REPS2: variants seen among roughly 807,000 people sequenced by gnomAD.
REPS2 encodes ralBP1-associated Eps domain-containing protein 2.
In REPS2, 23 loss-of-function variants were observed where a neutral mutation model predicts 53.6. That is an observed-to-expected ratio of 0.43 (90% confidence interval 0.31 to 0.61). The LOEUF (loss-of-function observed/expected upper bound fraction) is 0.61, where lower values mean the gene tolerates loss of function less well. REPS2 is among the 20% of genes least tolerant of loss of function. REPS2 has a pLI of 0.11. For missense variants in REPS2, 446 were observed against 534.9 expected, an observed-to-expected ratio of 0.83 and a Z score of 1.64; for synonymous variants, 238 against 218.6, an observed-to-expected ratio of 1.09 and a Z score of -0.78.
chrX:17,074,946 G>C (rs372685945), intron 12 of REPS2, among the ~76,000 whole-genome samples: 2 of 111,687 alleles, frequency 1.8e-5, no homozygotes, highest in East Asian at 5.6e-4. Flanking sequence ...ATTTAAGTCT[G>C]ATCATATTTT....
chrX:17,052,475 A>G (rs763220050), intron 7 of REPS2, 30 bp downstream of exon 7: 3 of 1,076,136 alleles, frequency 2.8e-6, no homozygotes, highest in Admixed American at 2.4e-5. Context: ...TATGACATTC[A>G]TACCATCATC....
chrX:17,016,749 T>G (rs987230547), intron 2 of REPS2, among the ~76,000 whole-genome samples: 28 of 82,280 alleles, frequency 3.4e-4, no homozygotes, highest in Non-Finnish European at 8.7e-5. Context: ...CATGAAATAT[T>G]TTTCTTTTTT....
chrX:17,089,980 AT>A (rs2062592750), intron 13 of REPS2, among the ~76,000 whole-genome samples: 1 of 112,098 alleles, frequency 8.9e-6, no homozygotes. Context: ...TATCTGCACC[AT>A]TTTACATTCA....
intron 8 of REPS2, among the ~76,000 whole-genome samples, chrX:17,058,033 G>A (rs1220689760): frequency 8.9e-6 from 1 of 112,379 alleles, no homozygotes; most frequent in Non-Finnish European, 1.9e-5. Flanking sequence ...CTGTTTGGGG[G>A]TCATGACTAG....
intron 16 of REPS2, chrX:17,136,977 T>G (rs929989198): frequency 2.7e-5 from 3 of 112,861 alleles, no homozygotes; most frequent in African/African-American, 9.7e-5. Context: ...GAACTTATCT[T>G]TTTATGGCTG....
At chrX:17,102,028 T>TTATGTTATGTTATG (rs2062811590) in intron 13 of REPS2, among the ~76,000 whole-genome samples, 1 of 95,264 alleles carries the variant, frequency 1.0e-5, no homozygotes, top group Admixed American at 1.2e-4. Context: ...TTTATTTTAT[T>TTATGTTATGTTATG]TTATGTTATG....
chrX:17,022,878 G>A (rs1417562915), intron 3 of REPS2, among the ~76,000 whole-genome samples: 1 of 112,288 alleles, frequency 8.9e-6, no homozygotes, highest in African/African-American at 3.2e-5. Flanking sequence ...CCATTTAGCA[G>A]GTTTGGAACC....
chrX:17,103,534 G>A (rs945044930), intron 13 of REPS2, among the ~76,000 whole-genome samples, 184 bp from the exon 14 acceptor site: 1 of 111,672 alleles, frequency 9.0e-6, no homozygotes, highest in African/African-American at 3.3e-5. Context: ...GTTTGGGTTA[G>A]GATGACAATG....
chrX:16,982,479 T>C (rs1008635547), intron 1 of REPS2, among the ~76,000 whole-genome samples: 4 of 112,193 alleles, frequency 3.6e-5, no homozygotes, highest in African/African-American at 1.3e-4. Flanking sequence ...GGAGAGAGTG[T>C]TGATTTTTTT....
At chrX:17,056,715 T>C (rs972966728) in intron 8 of REPS2, among the ~76,000 whole-genome samples, 28 of 110,575 alleles carry the variant, frequency 2.5e-4, no homozygotes, top group Admixed American at 9.6e-5. Context: ...GTCAAAAAAT[T>C]ACATGCAGTG....
intron 1 of REPS2, among the ~76,000 whole-genome samples, chrX:16,981,151 T>C (rs911834323): frequency 8.9e-6 from 1 of 111,813 alleles, no homozygotes; most frequent in Non-Finnish European, 1.9e-5. Flanking sequence ...GTTGTGTTCT[T>C]GCAGAAATTT....
intron 8 of REPS2, among the ~76,000 whole-genome samples, chrX:17,058,399 G>A (rs768096942): frequency 8.0e-4 from 83 of 104,362 alleles, no homozygotes; most frequent in South Asian, 4.4e-3. Flanking sequence ...GTTGCAGTGA[G>A]CCAAGATTGT....
chrX:17,173,758 C>T, the REPS2 span, among the ~76,000 whole-genome samples: 1 of 112,074 alleles, frequency 8.9e-6, no homozygotes, highest in Non-Finnish European at 1.9e-5. Flanking sequence ...AATAAAACTG[C>T]AGTGATCACC....
intron 13 of REPS2, among the ~76,000 whole-genome samples, chrX:17,084,814 A>G (rs1322822642): frequency 8.9e-6 from 1 of 112,196 alleles, no homozygotes; most frequent in East Asian, 2.8e-4. Context: ...TGATTTACAA[A>G]TATTTTCCTT....
intron 9 of REPS2, among the ~76,000 whole-genome samples, chrX:17,063,075 T>C (rs1390300768): frequency 8.9e-6 from 1 of 111,851 alleles, no homozygotes; most frequent in African/African-American, 3.3e-5. Flanking sequence ...TCCCCCAGTG[T>C]TGGGCCATGG....
chrX:17,025,339 GT>G (rs200635650), intron 4 of REPS2, among the ~76,000 whole-genome samples, 154 bp downstream of exon 4: 2 of 111,065 alleles, frequency 1.8e-5, no homozygotes, highest in African/African-American at 3.3e-5. Flanking sequence ...CTCAAGCAAG[GT>G]TTTTTTTTAA....
intron 1 of REPS2, among the ~76,000 whole-genome samples, chrX:16,965,630 C>T (rs1326211527): frequency 8.9e-6 from 1 of 111,781 alleles, no homozygotes; most frequent in East Asian, 2.8e-4. Flanking sequence ...AGACGATGGG[C>T]GGCCGGGCAG....
the REPS2 span, among the ~76,000 whole-genome samples, chrX:17,178,254 T>G: frequency 8.9e-6 from 1 of 112,125 alleles, no homozygotes; most frequent in East Asian, 2.8e-4. Flanking sequence ...CCTCCGGGGC[T>G]TTGTCTGACC....
chrX:17,124,255 C>A (rs1261295915), intron 14 of REPS2, among the ~76,000 whole-genome samples: 1 of 112,299 alleles, frequency 8.9e-6, no homozygotes, highest in Non-Finnish European at 1.9e-5. Context: ...GGGTTCATTG[C>A]TGGCTTATTC....
Sources: gnomAD v4.1 joint callset for allele counts (sites outside exome capture counted in the v4.1 genomes callset) on GRCh38, gnomAD v4.1.1 for gene constraint, MANE v1.5 for transcripts, NCBI Gene and HGNC (gene_info 2026-07-23, HGNC 2026-07-21) for gene names.